Variants in PTPRN2 observed in about 807,000 individuals in gnomAD.
PTPRN2 encodes protein tyrosine phosphatase receptor type N2.
Under a neutral mutation model 118.8 loss-of-function variants are expected in PTPRN2, and 74 were observed. That is an observed-to-expected ratio of 0.62 (90% CI 0.52 to 0.76). The LOEUF is 0.76. Among genes scored for constraint, PTPRN2 ranks in the 30% least tolerant of loss-of-function variants. The pLI, the probability that PTPRN2 is intolerant of heterozygous loss-of-function variation, is 0.00. For missense variants in PTPRN2, 1,481 were observed against 1,394.4 expected (o/e 1.06, Z -0.99); for synonymous variants, 641 against 608.0 (o/e 1.05, Z -0.80).
chr7:158,294,150 G>T (rs1800306990), intron 3 of PTPRN2, among the ~76,000 whole-genome samples: 1 of 152,170 alleles, frequency 6.6e-6, no homozygotes, highest in South Asian at 2.1e-4. Flanking sequence ...GGGCCACAAG[G>T]TCAGTCGGTG....
intron 6 of PTPRN2, among the ~76,000 whole-genome samples, chr7:158,160,321 C>T (rs1195258625): frequency 6.6e-6 from 1 of 152,022 alleles, no homozygotes; most frequent in Admixed American, 6.5e-5. Context: ...ACAGCTGGGG[C>T]CCAGAGAGAA....
Position 158,029,255 on chromosome 7 carries a change from G to A in PTPRN2, c.1723+52043C>T, listed in dbSNP as rs1013755544. On this transcript the variant is annotated intron_variant, in intron 11 of 22. Transcript: ENST00000389418. ...GTCCGTATCCTCTCGCCGGGGGCAC[G>A]GGGTCCGTATCCACTTGCTAGGGCA... The A allele has an allele frequency of 5.9e-5, 9 of 151,932 alleles. No homozygotes were observed. In the South Asian group the frequency reaches 1.0e-3, roughly 18 times the overall value. 9.4% of individuals were successfully genotyped at this position (151,932 alleles called of 1,614,324 possible).
rs1179473801 is a variant in PTPRN2 at position 158,255,946 on chromosome 7, A to G, written c.278-50673T>C. Among the ~76,000 whole-genome samples, 4 of 152,212 alleles carry G rather than the reference A, an allele frequency of 2.6e-5. 1 individual carries two copies. Among genetic ancestry groups the G allele is most frequent in the Non-Finnish European group, 5.9e-5 (4 of 68,030 alleles). ...ACGATGCTCAGAACTACCCAGCCTCAGAACTACCTCTGTCCTCAGACTTAG... is the reference window on the plus strand; with the variant it reads ...ACGATGCTCAGAACTACCCAGCCTCGGAACTACCTCTGTCCTCAGACTTAG... On this transcript the variant is annotated intron_variant, in intron 3 of 22. Coordinates refer to ENST00000389418, the MANE Select transcript of PTPRN2 (RefSeq NM_002847.5).
At chr7:158,302,697 T>A (rs1407855746) in intron 3 of PTPRN2, among the ~76,000 whole-genome samples, 2 of 152,230 alleles carry the variant, frequency 1.3e-5, no homozygotes, top group African/African-American at 4.8e-5. Flanking sequence ...TTAAACTCCA[T>A]CCGGACTCCA....
Position 157,543,481 on chromosome 7 carries a change from A to T in PTPRN2, c.2977-2696T>A, listed in dbSNP as rs566845870. On this transcript the variant is annotated intron_variant, in intron 22 of 22. Transcript: ENST00000389418. ...CCCCTTCTCAGGCTGTCCTGGGACA[A>T]CCACGGGGTGCCCACATAGTTGGTG... Among the ~76,000 whole-genome samples the T allele has an allele frequency of 5.2e-3, 790 of 152,352 alleles. 8 individuals carry two copies. Among genetic ancestry groups the T allele is most frequent in the African/African-American group, 0.018 (738 of 41,588 alleles).
intron 3 of PTPRN2, 63 bp downstream of exon 3, chr7:158,316,756 A>T: frequency 8.0e-7 from 1 of 1,248,778 alleles, no homozygotes; most frequent in Non-Finnish European, 1.1e-6. Context: ...CCAGGAGGAG[A>T]AGCCAAGCCC....
In PTPRN2 at chr7:157,883,081, A is replaced by C. The variant is rs542274139; in HGVS notation, c.1788+15592T>G. ...ACCACCTCAAAATGACTGTTGTTGG[A>C]GACCAGAACACACCACCCCAAAATG... On this transcript the variant is annotated intron_variant, in intron 12 of 22. Transcript: ENST00000389418. Among the ~76,000 whole-genome samples the C allele has an allele frequency of 1.1e-3, 160 of 151,982 alleles. 1 individual carries two copies. The highest frequency in any genetic ancestry group is 3.8e-3 in the African/African-American group (156 of 41,432).
chr7:157,918,237 G>A (rs958243075), intron 11 of PTPRN2, among the ~76,000 whole-genome samples: 1 of 152,232 alleles, frequency 6.6e-6, no homozygotes, highest in Non-Finnish European at 1.5e-5. Flanking sequence ...GTATCCTGAA[G>A]TGTTCTTCTA....
At chr7:158,462,586 C>T (rs1819085400) in intron 2 of PTPRN2, among the ~76,000 whole-genome samples, 1 of 152,230 alleles carries the variant, frequency 6.6e-6, no homozygotes, top group South Asian at 2.1e-4. Flanking sequence ...GATGACAAGT[C>T]ATTTACTGCC....
rs1223074177 is a variant in PTPRN2 at position 157,964,254 on chromosome 7, C to T, written c.1724-65517G>A. On this transcript the variant is annotated intron_variant, in intron 11 of 22. Coordinates refer to ENST00000389418, the MANE Select transcript of PTPRN2 (RefSeq NM_002847.5). The surrounding 1 kb of genome is among the most constrained non-coding windows in gnomAD (Gnocchi z 9.0). ...CTCCACACACCCACGTCTACAGAAA[C>T]ACTAGGCCAGACTGGGGTCCGCCCC... Among the ~76,000 whole-genome samples, 1 of 152,102 alleles carries T rather than the reference C, an allele frequency of 6.6e-6. No homozygotes were observed. The highest frequency in any genetic ancestry group is 1.5e-5 in the Non-Finnish European group (1 of 68,020).
intron 12 of PTPRN2, among the ~76,000 whole-genome samples, chr7:157,705,189 C>G (rs1227429988): frequency 6.6e-6 from 1 of 152,200 alleles, no homozygotes; most frequent in East Asian, 1.9e-4. Flanking sequence ...GCCTGTAGTC[C>G]CAGCTACTCA....
intron 12 of PTPRN2, among the ~76,000 whole-genome samples, chr7:157,799,089 A>G (rs1167412212): frequency 6.6e-6 from 1 of 152,066 alleles, no homozygotes; most frequent in African/African-American, 2.4e-5. Context: ...AGACATGACA[A>G]CCCCATCGGG....
chr7:158,568,402 T>A (rs1305980869), intron 1 of PTPRN2, among the ~76,000 whole-genome samples: 1 of 151,522 alleles, frequency 6.6e-6, no homozygotes, highest in African/African-American at 2.4e-5. Flanking sequence ...TATATGTCAC[T>A]CCCAGAGGCG....
intron 1 of PTPRN2, among the ~76,000 whole-genome samples, chr7:158,505,988 G>A (rs908646455): frequency 1.2e-4 from 18 of 152,356 alleles, no homozygotes; most frequent in Middle Eastern, 3.4e-3. Context: ...CCCACCGCGC[G>A]TCCTCACATG....
chr7:157,998,965 G>A (rs1053895265), intron 11 of PTPRN2, among the ~76,000 whole-genome samples: 2 of 152,150 alleles, frequency 1.3e-5, no homozygotes, highest in African/African-American at 4.8e-5. Flanking sequence ...AGGCATCCGG[G>A]GGCCAGGGGA....
chr7:157,783,231 T>G (rs1803792738), intron 12 of PTPRN2, among the ~76,000 whole-genome samples: 1 of 152,120 alleles, frequency 6.6e-6, no homozygotes, highest in Admixed American at 6.5e-5. Context: ...TACCCAGTCT[T>G]GGGTGTGTCT....
chr7:158,377,223 G>A (rs866802830), intron 2 of PTPRN2, among the ~76,000 whole-genome samples: 6,934 of 132,998 alleles, frequency 0.052, 68 homozygotes, highest in African/African-American at 0.084. Context: ...CTCCCCCACA[G>A]CCCTGTCACA....
At position 158,525,613 on chromosome 7, in the gene PTPRN2, G is replaced by A. The variant is rs1824715360; in HGVS notation, c.113-35828C>T. Among the ~76,000 whole-genome samples the A allele has an allele frequency of 1.3e-5, 2 of 152,214 alleles. No individual in the cohort carries two copies. The highest frequency in any genetic ancestry group is 2.1e-4 in the South Asian group (1 of 4,830). On this transcript the variant is annotated intron_variant, in intron 1 of 22. Transcript: ENST00000389418. This position sits in a 1 kb window ranked among gnomAD's most constrained non-coding sequence, Gnocchi z 4.1. ...TACGGGATGGAGTATTAATAGTGCC[G>A]TGTTTAATTATTATTCAGCATAATC...
chr7:157,757,042 A>G (rs1281665399), intron 12 of PTPRN2, among the ~76,000 whole-genome samples: 1 of 152,258 alleles, frequency 6.6e-6, no homozygotes, highest in African/African-American at 2.4e-5. Flanking sequence ...GACCCCTGCC[A>G]GAAAAGCAAA....
Sources: allele counts gnomAD v4.1 joint callset (sites outside exome capture counted in the v4.1 genomes callset), GRCh38; gene constraint gnomAD v4.1.1; non-coding constraint Gnocchi (gnomAD v3.1); transcripts MANE v1.5; gene names NCBI Gene and HGNC (gene_info 2026-07-23, HGNC 2026-07-21).